CEP295: variants seen among roughly 807,000 people sequenced by gnomAD.
CEP295 encodes centrosomal protein of 295 kDa.
Under a neutral mutation model 291.6 loss-of-function variants are expected in CEP295, and 190 were observed. The observed-to-expected ratio is 0.65, with a 90% CI of 0.58 to 0.73. CEP295 has a LOEUF of 0.73. CEP295 is among the 30% of genes least tolerant of loss of function. CEP295 has a pLI of 0.00. For missense variants in CEP295, 2,863 were observed against 2,949.4 expected, an observed-to-expected ratio of 0.97 and a Z score of 0.68; for synonymous variants, 993 against 1,038.8, an observed-to-expected ratio of 0.96 and a Z score of 0.85.
intron 15 of CEP295, 35 bp from the exon 16 acceptor site, chr11:93,702,425 C>T (rs1952225653): frequency 7.0e-7 from 1 of 1,433,040 alleles, no homozygotes; most frequent in Non-Finnish European, 9.3e-7. Flanking sequence ...GATCCCCCAA[C>T]TTGTGCTTCC....
Position 93,698,291 on chromosome 11 carries a change from T to C in CEP295, c.3379T>C (p.Tyr1127His), listed in dbSNP as rs1469706410. The C allele has an allele frequency of 2.1e-5, 32 of 1,551,720 alleles. No individual in the cohort carries two copies. Among genetic ancestry groups the C allele is most frequent in the Admixed American group, 5.9e-5 (3 of 50,976 alleles). ...KAEPRRIQEL[Y>H]LSEKENVGPS... ...TGAGCCTAGGAGAATTCAGGAGCTT[T>C]ATTTATCTGAGAAGGAGAATGTAGG... The change falls in exon 15 of 30, where the codon TAT becomes CAT. Residue 1127 changes from tyrosine to histidine, a missense_variant. This residue lies in a region of CEP295 where 2,295 missense variants were observed against 2,335.7 expected (regional missense o/e 0.98). Coordinates refer to ENST00000325212, the MANE Select transcript of CEP295 (RefSeq NM_033395.2).
intron 10 of CEP295, among the ~76,000 whole-genome samples, chr11:93,688,228 A>G (rs1254020879): frequency 6.6e-6 from 1 of 152,154 alleles, no homozygotes; most frequent in Non-Finnish European, 1.5e-5. Context: ...TTAAAGAATA[A>G]CTCCTGATCA....
In CEP295 at chr11:93,667,790, C is replaced by G. The variant is rs1433845720; in HGVS notation, c.292C>G (p.Arg98Gly). 1 of 1,549,362 alleles carries G rather than the reference C, an allele frequency of 6.5e-7. No individual in the cohort carries two copies. The highest frequency in any genetic ancestry group is 2.0e-5 in the Admixed American group (1 of 50,526). Reference sequence around the variant, plus strand: ...TTTAAGAAGTATGGGAGAGGGACATCGACAGGCCAAAGAAAATGTGAGTGA... The same window carrying G: ...TTTAAGAAGTATGGGAGAGGGACATGGACAGGCCAAAGAAAATGTGAGTGA... The part of the protein sequence containing the change: ...ASLRSMGEGH[R>G]QAKENEPDLD... Residue 98 changes from arginine to glycine, a missense_variant, in exon 3 of 30, where the codon CGA becomes GGA. Arg to Gly is a moderately radical substitution (Grantham distance 125, BLOSUM62 -2). Transcript: ENST00000325212.
chr11:93,677,858 T>C (rs1337299432), intron 6 of CEP295, among the ~76,000 whole-genome samples: 3 of 152,202 alleles, frequency 2.0e-5, no homozygotes, highest in Non-Finnish European at 4.4e-5. Flanking sequence ...ATCTTTGATC[T>C]TCACATACTG....
chr11:93,721,873 A>G (rs1313054788), intron 19 of CEP295, 81 bp from the exon 20 acceptor site: 1 of 901,808 alleles, frequency 1.1e-6, no homozygotes, highest in South Asian at 1.4e-5. Flanking sequence ...CTCAGAAGTG[A>G]CAACTGCTGG....
At chr11:93,672,564 A>G (rs1439298284) in intron 5 of CEP295, among the ~76,000 whole-genome samples, 2 of 152,108 alleles carry the variant, frequency 1.3e-5, no homozygotes, top group Admixed American at 6.5e-5. Context: ...CTGTGACTAC[A>G]AGAATGTGCC....
intron 1 of CEP295, among the ~76,000 whole-genome samples, chr11:93,662,047 A>G (rs1392981560): frequency 6.6e-6 from 1 of 152,268 alleles, no homozygotes; most frequent in East Asian, 1.9e-4. Flanking sequence ...CTTCCCACGC[A>G]GCCTCCCCTG....
intron 18 of CEP295, among the ~76,000 whole-genome samples, chr11:93,708,349 C>T (rs908126852): frequency 2.6e-5 from 4 of 152,152 alleles, no homozygotes; most frequent in Non-Finnish European, 5.9e-5. Flanking sequence ...TCTCTATCTC[C>T]GTGAGTTCAG....
At chr11:93,701,664 C>T (rs1036970228) in intron 15 of CEP295, among the ~76,000 whole-genome samples, 1 of 152,056 alleles carries the variant, frequency 6.6e-6, no homozygotes, top group East Asian at 1.9e-4. Context: ...AGTGCCGTGA[C>T]GTCATCTTGG....
rs1355454091 is a variant in CEP295 at position 93,698,319 on chromosome 11, C to A, written c.3407C>A (p.Pro1136His). 1 of 1,551,788 alleles carries A rather than the reference C, an allele frequency of 6.4e-7. No individual in the cohort carries two copies. Among genetic ancestry groups the A allele is most frequent in the Non-Finnish European group, 8.7e-7 (1 of 1,146,980 alleles). Reference sequence around the variant, plus strand: ...TTATCTGAGAAGGAGAATGTAGGTCCCTCCTGTCATTTGATAATCCCAACA... The same window carrying A: ...TTATCTGAGAAGGAGAATGTAGGTCACTCCTGTCATTTGATAATCCCAACA... ...LYLSEKENVGPSCHLIIPTFQ... is the reference protein window; with the variant it reads ...LYLSEKENVGHSCHLIIPTFQ... The change falls in exon 15 of 30, where the codon CCC (proline) becomes CAC (histidine). Residue 1136 changes from proline (P) to histidine (H), a missense_variant. Pro to His is a moderately conservative substitution (Grantham distance 77, BLOSUM62 -2). Around this residue, in one of 3 missense-constraint regions of CEP295, gnomAD observed 2,295 missense variants for 2,335.7 expected, o/e 0.98. Coordinates refer to ENST00000325212, the MANE Select transcript of CEP295 (RefSeq NM_033395.2).
At chr11:93,691,894 T>C in intron 11 of CEP295, 33 bp from the exon 12 acceptor site, 1 of 1,415,684 alleles carries the variant, frequency 7.1e-7, no homozygotes, top group Non-Finnish European at 9.7e-7. Flanking sequence ...TCTAAATTAT[T>C]GAAACTAATT....
chr11:93,701,837 C>G (rs907985724), intron 15 of CEP295, among the ~76,000 whole-genome samples: 1 of 152,104 alleles, frequency 6.6e-6, no homozygotes, highest in African/African-American at 2.4e-5. Flanking sequence ...CTCCTGACAT[C>G]ATGATCTGCC....
chr11:93,729,706 C>G lies in CEP295; in HGVS notation c.7492C>G (p.Gln2498Glu). ...KSFMERSHQR[Q>E]KEIRNKIHVS... ...ATTTATGGAGAGATCCCACCAGAGG[C>G]AGAAAGAAATAAGGAATAAAATTCA... The change falls in exon 27 of 30, where the codon CAG (glutamine) becomes GAG (glutamate). Residue 2498 changes from glutamine (Q) to glutamate (E), a missense_variant. By Grantham distance (29) the Gln-to-Glu change is conservative (BLOSUM62 2). Around this residue, in one of 3 missense-constraint regions of CEP295, gnomAD observed 2,295 missense variants for 2,335.7 expected, o/e 0.98. Transcript: ENST00000325212. 1 of 1,549,728 alleles carries G rather than the reference C, an allele frequency of 6.5e-7. No homozygotes were observed. The highest frequency in any genetic ancestry group is 8.7e-7 in the Non-Finnish European group (1 of 1,145,458).
chr11:93,689,899 T>C (rs779416259), intron 10 of CEP295, among the ~76,000 whole-genome samples: 1 of 152,196 alleles, frequency 6.6e-6, no homozygotes, highest in African/African-American at 2.4e-5. Flanking sequence ...ATATATATGA[T>C]ATTTAAAGCC....
intron 4 of CEP295, among the ~76,000 whole-genome samples, chr11:93,669,457 G>A (rs1032671458): frequency 1.3e-5 from 2 of 151,036 alleles, no homozygotes; most frequent in African/African-American, 4.9e-5. Flanking sequence ...AGTTTCTTGG[G>A]TTGGTCCCCA....
chr11:93,714,728 C>T (rs751479012), intron 18 of CEP295, among the ~76,000 whole-genome samples: 2 of 152,234 alleles, frequency 1.3e-5, no homozygotes, highest in African/African-American at 2.4e-5. Flanking sequence ...CTTGCAGACT[C>T]ATAGAGGTAC....
intron 18 of CEP295, among the ~76,000 whole-genome samples, chr11:93,720,062 T>TAA (rs11371094): frequency 0.012 from 1,759 of 144,692 alleles, 29 homozygotes; most frequent in African/African-American, 0.032. Context: ...TAGAAAGCTG[T>TAA]AAAAAAAAAA....
intron 18 of CEP295, among the ~76,000 whole-genome samples, chr11:93,707,743 C>T (rs916839685): frequency 3.3e-5 from 5 of 151,218 alleles, no homozygotes; most frequent in African/African-American, 7.3e-5. Flanking sequence ...AGCGAGACTC[C>T]GAGACTCCAT....
intron 13 of CEP295, 39 bp downstream of exon 13, chr11:93,695,673 G>A (rs1441205076): frequency 6.8e-7 from 1 of 1,469,880 alleles, no homozygotes; most frequent in Non-Finnish European, 8.9e-7. Flanking sequence ...TAAATCATTT[G>A]GTAAGGGGGG....
Sources: allele counts gnomAD v4.1 joint callset (sites outside exome capture counted in the v4.1 genomes callset), GRCh38; gene constraint gnomAD v4.1.1; regional missense constraint gnomAD v4.1.1; transcripts MANE v1.5; gene names NCBI Gene and HGNC (gene_info 2026-07-23, HGNC 2026-07-21).